The following CEP85L variants were observed in gnomAD, a reference collection of about 807,000 sequenced individuals.
CEP85L encodes centrosomal protein 85L.
CEP85L carries 60 observed loss-of-function variants against 100.3 expected under a neutral mutation model. That is an observed-to-expected ratio of 0.60 (90% CI 0.49 to 0.74). CEP85L has a LOEUF of 0.74. Ranked by LOEUF, CEP85L falls within the 30% of genes least tolerant of loss-of-function variation. CEP85L has a pLI of 0.00. For synonymous variants in CEP85L, 319 were observed against 322.7 expected (o/e 0.99, Z 0.12); for missense variants, 973 against 936.2 (o/e 1.04, Z -0.51).
chr6:118,707,644 T>A (rs979252677), intron 1 of CEP85L, among the ~76,000 whole-genome samples: 5 of 152,240 alleles, frequency 3.3e-5, no homozygotes, highest in African/African-American at 1.2e-4. Context: ...TTTATATATC[T>A]AAGTATTTCT....
intron 1 of CEP85L, among the ~76,000 whole-genome samples, chr6:118,647,863 A>T (rs1775302263): frequency 6.6e-6 from 1 of 152,242 alleles, no homozygotes; most frequent in Non-Finnish European, 1.5e-5. Context: ...ATGCATAAAA[A>T]GATACCAATT....
At chr6:118,617,269 C>A (rs1435471291) in intron 2 of CEP85L, among the ~76,000 whole-genome samples, 1 of 152,030 alleles carries the variant, frequency 6.6e-6, no homozygotes, top group Non-Finnish European at 1.5e-5. Context: ...ATGTTTTCTT[C>A]CCCAAGAAAG....
intron 2 of CEP85L, among the ~76,000 whole-genome samples, chr6:118,617,211 G>A (rs1203345815): frequency 6.6e-6 from 1 of 151,972 alleles, no homozygotes; most frequent in African/African-American, 2.4e-5. Flanking sequence ...AAATAATATT[G>A]AGGTATAATA....
At chr6:118,624,239 GCT>G (rs2115289259) in intron 2 of CEP85L, among the ~76,000 whole-genome samples, 1 of 152,228 alleles carries the variant, frequency 6.6e-6, no homozygotes, top group South Asian at 2.1e-4. Context: ...ATCTCTCCTT[GCT>G]CTCTTTAATG....
At chr6:118,696,811 G>GT (rs538202605) in intron 1 of CEP85L, among the ~76,000 whole-genome samples, 18 of 152,222 alleles carry the variant, frequency 1.2e-4, no homozygotes, top group Middle Eastern at 3.4e-3. Flanking sequence ...AGATAGGGTG[G>GT]TGCAAGAGGT....
intron 2 of CEP85L, among the ~76,000 whole-genome samples, chr6:118,595,464 G>A (rs13220480): frequency 0.47 from 70,776 of 151,894 alleles, 16,984 homozygotes; most frequent in Middle Eastern, 0.57. Flanking sequence ...GAATCCCTTC[G>A]CTGCTGAGAT....
intron 1 of CEP85L, among the ~76,000 whole-genome samples, chr6:118,647,896 T>A (rs1775304019): frequency 6.6e-6 from 1 of 152,214 alleles, no homozygotes; most frequent in Non-Finnish European, 1.5e-5. Flanking sequence ...ATTAGCCTTC[T>A]AACCACACTT....
At chr6:118,600,607 C>T (rs1781735131) in intron 2 of CEP85L, among the ~76,000 whole-genome samples, 1 of 151,442 alleles carries the variant, frequency 6.6e-6, no homozygotes. Context: ...CACATGTGAG[C>T]CACCACACCC....
intron 4 of CEP85L, 56 bp from the exon 5 acceptor site, chr6:118,511,471 G>C (rs568938612): frequency 9.3e-7 from 1 of 1,070,194 alleles, no homozygotes; most frequent in African/African-American, 1.6e-5. Flanking sequence ...ATAGTTAGAA[G>C]AACCTTAAGG....
chr6:118,632,554 G>A lies in CEP85L; in HGVS notation c.131C>T (p.Thr44Ile), dbSNP rs529696554. 1 of 1,613,090 alleles carries A rather than the reference G, an allele frequency of 6.2e-7. No homozygotes were observed. The highest frequency in any genetic ancestry group is 2.2e-5 in the East Asian group (1 of 44,852). The change falls in exon 2 of 13, where the codon ACT becomes ATT. Residue 44 changes from threonine (T) to isoleucine (I), a missense_variant. This residue lies in a region of CEP85L where 79 missense variants were observed against 73.3 expected (regional missense o/e 1.08). Coordinates refer to ENST00000368491, the MANE Select transcript of CEP85L (RefSeq NM_001042475.3). Reference sequence around the variant, plus strand: ...GTTATTTCGATGGTTAGATGGAACAGTTGTGGCCTGCCACAATGATTCATT... The same window carrying A: ...GTTATTTCGATGGTTAGATGGAACAATTGTGGCCTGCCACAATGATTCATT... ...PANESLWQAT[T>I]VPSNHRNNHI...
intron 10 of CEP85L, among the ~76,000 whole-genome samples, chr6:118,471,093 T>C (rs1452188474): frequency 3.3e-5 from 5 of 152,076 alleles, no homozygotes; most frequent in Non-Finnish European, 7.4e-5. Context: ...TTTTCTATCA[T>C]TTGAAACATA....
chr6:118,585,057 G>C (rs111317395), intron 2 of CEP85L, among the ~76,000 whole-genome samples: 4 of 152,152 alleles, frequency 2.6e-5, no homozygotes, highest in Non-Finnish European at 5.9e-5. Flanking sequence ...TGACAGATGG[G>C]AGCTCTTTTG....
At chr6:118,593,642 G>C (rs913171542) in intron 2 of CEP85L, among the ~76,000 whole-genome samples, 5 of 150,552 alleles carry the variant, frequency 3.3e-5, no homozygotes, top group African/African-American at 1.2e-4. Flanking sequence ...TTTGACATGA[G>C]ATTGGTGGGG....
intron 1 of CEP85L, among the ~76,000 whole-genome samples, chr6:118,641,567 A>C (rs1006535815): frequency 2.0e-5 from 3 of 152,198 alleles, no homozygotes; most frequent in African/African-American, 7.2e-5. Context: ...CTTGACGGTG[A>C]CATCCTCCTT....
At chr6:118,559,240 A>G in intron 3 of CEP85L, 1 of 709,892 alleles carries the variant, frequency 1.4e-6, no homozygotes, top group Admixed American at 2.1e-5. Flanking sequence ...TTGTTACCAT[A>G]TGTATTCATC....
intron 1 of CEP85L, among the ~76,000 whole-genome samples, chr6:118,693,333 AT>A (rs1777106353): frequency 6.6e-6 from 1 of 152,124 alleles, no homozygotes; most frequent in African/African-American, 2.4e-5. Context: ...AAAGAGAGCT[AT>A]TTTCCTCCTT....
At chr6:118,510,122 ATT>A (rs2114711154) in intron 5 of CEP85L, among the ~76,000 whole-genome samples, 1 of 152,136 alleles carries the variant, frequency 6.6e-6, no homozygotes, top group East Asian at 1.9e-4. Context: ...AGCAGGAACT[ATT>A]TTTCACTTTT....
intron 1 of CEP85L, among the ~76,000 whole-genome samples, chr6:118,692,978 G>A (rs1254982461): frequency 6.6e-6 from 1 of 152,082 alleles, no homozygotes; most frequent in Non-Finnish European, 1.5e-5. Context: ...GATTAGAATT[G>A]GGCCTAAAAA....
chr6:118,487,259 C>T (rs1774251272), intron 6 of CEP85L, among the ~76,000 whole-genome samples: 1 of 152,048 alleles, frequency 6.6e-6, no homozygotes, highest in Non-Finnish European at 1.5e-5. Flanking sequence ...ACTGTAACAC[C>T]CAGTGTATCA....
Sources: gnomAD v4.1 joint callset for allele counts (sites outside exome capture counted in the v4.1 genomes callset) on GRCh38, gnomAD v4.1.1 for gene constraint, gnomAD v4.1.1 regional missense constraint, MANE v1.5 for transcripts, NCBI Gene and HGNC (gene_info 2026-07-23, HGNC 2026-07-21) for gene names.